ITPR2: variants seen among roughly 807,000 people sequenced by gnomAD.
ITPR2 encodes the protein inositol 1,4,5-trisphosphate receptor type 2.
A neutral mutation model predicts 317.1 loss-of-function variants in ITPR2; 207 were observed. That is an observed-to-expected ratio of 0.65 (90% CI 0.58 to 0.73). The LOEUF (loss-of-function observed/expected upper bound fraction) is 0.73, where lower values mean the gene tolerates loss of function less well. Among genes scored for constraint, ITPR2 ranks in the 30% least tolerant of loss-of-function variants. The probability of loss-of-function intolerance (pLI) is 0.00; values close to 1 mark genes in which losing one functional copy is unlikely to be tolerated. For missense variants in ITPR2, 2,613 were observed against 3,284.0 expected (o/e 0.80, Z 4.99); for synonymous variants, 1,156 against 1,149.1 (o/e 1.01, Z -0.12).
intron 37 of ITPR2, among the ~76,000 whole-genome samples, chr12:26,512,908 C>T (rs1194416984): frequency 1.4e-5 from 2 of 146,540 alleles, no homozygotes; most frequent in Admixed American, 1.4e-4. Flanking sequence ...CCACAACCTC[C>T]GCCTCCCAGG....
chr12:26,720,744 G>T (rs1319982808), intron 5 of ITPR2, among the ~76,000 whole-genome samples: 1 of 152,114 alleles, frequency 6.6e-6, no homozygotes, highest in Non-Finnish European at 1.5e-5. Flanking sequence ...TTGAGTGTTT[G>T]GGTGGTAGGT....
At chr12:26,381,132 A>G (rs111909426) in intron 55 of ITPR2, among the ~76,000 whole-genome samples, 1 of 152,320 alleles carries the variant, frequency 6.6e-6, no homozygotes, top group African/African-American at 2.4e-5. Context: ...GAGGCCACAG[A>G]TGGATTAATG....
At chr12:26,465,522 G>T (rs1216386243) in intron 45 of ITPR2, among the ~76,000 whole-genome samples, 1 of 152,164 alleles carries the variant, frequency 6.6e-6, no homozygotes, top group Non-Finnish European at 1.5e-5. Context: ...TTTTAAAGAA[G>T]CAGATTTGCA....
rs1005548646 is a variant in ITPR2 at position 26,336,029 on chromosome 12, A to G, written c.*3368T>C. 2 of 152,202 alleles carry G rather than the reference A, an allele frequency of 1.3e-5. No individual in the cohort carries two copies. Among genetic ancestry groups the G allele is most frequent in the African/African-American group, 4.8e-5 (2 of 41,450 alleles). 9.4% of individuals were successfully genotyped at this position (152,202 alleles called of 1,614,324 possible). A position where few individuals can be genotyped will look rare whatever the true frequency, so the allele number is the denominator to read the frequency against. ...TTTGTTCTCTGCATGGGTGAGGGGT[A>G]TCTCTGGGGTCCATCAACTATTACA... On this transcript the variant is annotated 3_prime_UTR_variant, in exon 57 of 57. Transcript: ENST00000381340.
chr12:26,790,315 C>A, intron 1 of ITPR2, 88 bp from the exon 2 acceptor site: 1 of 1,033,192 alleles, frequency 9.7e-7, no homozygotes, highest in Non-Finnish European at 1.5e-6. Flanking sequence ...AAATATTTAC[C>A]AAAAGTTTTA....
intron 37 of ITPR2, among the ~76,000 whole-genome samples, chr12:26,537,799 A>C (rs753137710): frequency 6.6e-6 from 1 of 152,236 alleles, no homozygotes; most frequent in Non-Finnish European, 1.5e-5. Context: ...AACTGAGATA[A>C]GATAGACCTA....
intron 2 of ITPR2, among the ~76,000 whole-genome samples, chr12:26,752,746 G>T (rs1253569577): frequency 6.6e-6 from 1 of 152,056 alleles, no homozygotes; most frequent in Non-Finnish European, 1.5e-5. Flanking sequence ...CAAGATCCAA[G>T]AACCCTCTCT....
intron 13 of ITPR2, among the ~76,000 whole-genome samples, chr12:26,671,200 G>A (rs1212079199): frequency 4.6e-5 from 7 of 152,030 alleles, no homozygotes; most frequent in Non-Finnish European, 8.8e-5. Flanking sequence ...TACAGAGAAC[G>A]CCACAAAGAT....
intron 13 of ITPR2, among the ~76,000 whole-genome samples, chr12:26,672,280 A>G (rs1462819769): frequency 2.0e-5 from 3 of 151,532 alleles, no homozygotes; most frequent in Non-Finnish European, 4.4e-5. Context: ...CCTATTCCAA[A>G]ATTGACCACA....
intron 43 of ITPR2, among the ~76,000 whole-genome samples, chr12:26,478,244 T>C (rs1171683791): frequency 6.6e-6 from 1 of 152,140 alleles, no homozygotes; most frequent in Non-Finnish European, 1.5e-5. Flanking sequence ...CTAATGTCAC[T>C]GACTCATTAT....
chr12:26,708,613 G>A (rs1188592004), intron 9 of ITPR2, among the ~76,000 whole-genome samples: 6 of 152,128 alleles, frequency 3.9e-5, no homozygotes, highest in Non-Finnish European at 8.8e-5. Context: ...AGGGTGACAG[G>A]GAGGGAGAGA....
At chr12:26,467,926 C>T (rs772719138) in intron 45 of ITPR2, among the ~76,000 whole-genome samples, 1 of 152,082 alleles carries the variant, frequency 6.6e-6, no homozygotes, top group African/African-American at 2.4e-5. Context: ...TCCCATTATA[C>T]TTTTTCTTTG....
intron 26 of ITPR2, among the ~76,000 whole-genome samples, chr12:26,607,159 G>T (rs1278470104): frequency 1.3e-5 from 2 of 152,144 alleles, no homozygotes; most frequent in East Asian, 3.8e-4. Context: ...TAGCAAGACT[G>T]CAAGGCCTTC....
intron 15 of ITPR2, among the ~76,000 whole-genome samples, chr12:26,662,559 T>A (rs1228779628): frequency 6.6e-6 from 1 of 152,228 alleles, no homozygotes; most frequent in African/African-American, 2.4e-5. Context: ...AGTGATGCAC[T>A]CTGCCCTCAA....
At chr12:26,409,288 A>C (rs1305587351) in intron 52 of ITPR2, among the ~76,000 whole-genome samples, 2 of 152,256 alleles carry the variant, frequency 1.3e-5, no homozygotes, top group Admixed American at 6.5e-5. Flanking sequence ...AGCAGACATC[A>C]TGTATCTGGG....
chr12:26,547,776 A>G (rs78330466), intron 37 of ITPR2, among the ~76,000 whole-genome samples: 14,655 of 152,260 alleles, frequency 0.096, 958 homozygotes, highest in African/African-American at 0.18. Flanking sequence ...CATTTCCCCC[A>G]TATTTACTAT....
chr12:26,788,521 A>G (rs1288638548), intron 2 of ITPR2, among the ~76,000 whole-genome samples: 2 of 152,174 alleles, frequency 1.3e-5, no homozygotes, highest in African/African-American at 4.8e-5. Context: ...TTCACCAAAG[A>G]GTGTCTAGTG....
intron 2 of ITPR2, among the ~76,000 whole-genome samples, chr12:26,731,827 T>C (rs1329014120): frequency 6.6e-6 from 1 of 152,134 alleles, no homozygotes; most frequent in Non-Finnish European, 1.5e-5. Flanking sequence ...AAAAATTAAA[T>C]ATAATAGAAT....
At chr12:26,818,025 T>C (rs1950887683) in intron 1 of ITPR2, among the ~76,000 whole-genome samples, 1 of 152,192 alleles carries the variant, frequency 6.6e-6, no homozygotes, top group Non-Finnish European at 1.5e-5. Flanking sequence ...GAAAAATGAA[T>C]TTGGAGAAAT....
Sources: gnomAD v4.1 joint callset for allele counts (sites outside exome capture counted in the v4.1 genomes callset) on GRCh38, gnomAD v4.1.1 for gene constraint, MANE v1.5 for transcripts, NCBI Gene and HGNC (gene_info 2026-07-23, HGNC 2026-07-21) for gene names.